PKN2: variants seen among roughly 807,000 people sequenced by gnomAD.
The protein encoded by PKN2 is serine/threonine-protein kinase N2.
Under a neutral mutation model 119.1 loss-of-function variants are expected in PKN2, and 38 were observed. The observed-to-expected ratio is 0.32, with a 90% CI of 0.25 to 0.42. PKN2 has a LOEUF of 0.42. PKN2 is among the 10% of genes least tolerant of loss of function. The probability of loss-of-function intolerance (pLI) is 1.00; values close to 1 mark genes in which losing one functional copy is unlikely to be tolerated. For missense variants in PKN2, 850 were observed against 1,165.1 expected (o/e 0.73, Z 3.94); for synonymous variants, 390 against 384.9 (o/e 1.01, Z -0.15).
chr1:88,709,480 T>C (rs1415035886), intron 1 of PKN2, among the ~76,000 whole-genome samples: 4 of 152,112 alleles, frequency 2.6e-5, no homozygotes, highest in Non-Finnish European at 4.4e-5. Context: ...GGATCACACG[T>C]TGAGAACTGC....
intron 2 of PKN2, among the ~76,000 whole-genome samples, chr1:88,754,716 G>GTCT (rs1461320723): frequency 4.6e-5 from 7 of 152,224 alleles, no homozygotes; most frequent in Non-Finnish European, 1.0e-4. Flanking sequence ...GGAGGAATTA[G>GTCT]TCTTGTCTGC....
At chr1:88,718,925 C>CT (rs1667561631) in intron 1 of PKN2, among the ~76,000 whole-genome samples, 2 of 152,040 alleles carry the variant, frequency 1.3e-5, no homozygotes, top group African/African-American at 4.8e-5. Context: ...AATAAATAAA[C>CT]ATTACCAGTT....
intron 6 of PKN2, among the ~76,000 whole-genome samples, chr1:88,775,774 T>C (rs192439053): frequency 6.6e-6 from 1 of 152,250 alleles, no homozygotes; most frequent in East Asian, 1.9e-4. Flanking sequence ...TTTTAAATCA[T>C]AAAGGAAACA....
At chr1:88,823,902 G>A (rs765211635) in intron 17 of PKN2, among the ~76,000 whole-genome samples, 16 of 150,882 alleles carry the variant, frequency 1.1e-4, no homozygotes, top group Non-Finnish European at 2.1e-4. Flanking sequence ...CCAGCTACTC[G>A]GGAGGCTGAG....
intron 1 of PKN2, among the ~76,000 whole-genome samples, chr1:88,697,974 A>G (rs941542770): frequency 2.0e-5 from 3 of 152,106 alleles, no homozygotes; most frequent in Admixed American, 1.3e-4. Flanking sequence ...TTTCTCTTCT[A>G]GGCTTAATGC....
At chr1:88,702,791 T>C (rs1305816520) in intron 1 of PKN2, among the ~76,000 whole-genome samples, 1 of 151,786 alleles carries the variant, frequency 6.6e-6, no homozygotes, top group African/African-American at 2.4e-5. Flanking sequence ...TTGAAAACTA[T>C]TTTTCTGTGT....
chr1:88,770,468 T>C lies in PKN2; in HGVS notation c.621T>C (p.Asn207=), dbSNP rs764955480. 22 of 1,476,342 alleles carry C rather than the reference T, an allele frequency of 1.5e-5. No individual in the cohort carries two copies. The highest frequency in any genetic ancestry group is 1.0e-4 in the Admixed American group (6 of 59,828). 91.5% of individuals were successfully genotyped at this position (1,476,342 alleles called of 1,614,324 possible). The change falls in exon 4 of 22, where the codon AAT becomes AAC. Residue 207 remains asparagine, a splice_region_variant and synonymous_variant. Coordinates refer to ENST00000370521, the MANE Select transcript of PKN2 (RefSeq NM_006256.4). ...AVQTNELAFD[N]AKPVISPLEL... is the part of the protein sequence containing the mutation. ...AGACTAATGAATTGGCTTTTGATAATGGTGATGGAATAAATTGTCCTCCTT... is the reference window on the plus strand; with the variant it reads ...AGACTAATGAATTGGCTTTTGATAACGGTGATGGAATAAATTGTCCTCCTT...
At position 88,760,283 on chromosome 1, in the gene PKN2, A is replaced by G; in HGVS notation, c.411A>G (p.Arg137=). 3 of 1,573,786 alleles carry G rather than the reference A, an allele frequency of 1.9e-6. No homozygotes were observed. The highest frequency in any genetic ancestry group is 1.7e-6 in the Non-Finnish European group (2 of 1,144,738). Residue 137 remains arginine (R), a synonymous_variant, in exon 3 of 22, where the codon AGA becomes AGG. Transcript: ENST00000370521. ...NDPRCSTSNN[R]LKALQKQLDI... ...CTCGTTGTTCTACTAGCAACAATAGATTGAAGGCCTTACAAAAACAATTGG... is the reference window on the plus strand; with the variant it reads ...CTCGTTGTTCTACTAGCAACAATAGGTTGAAGGCCTTACAAAAACAATTGG...
At chr1:88,692,211 A>G (rs1557542403) in intron 1 of PKN2, among the ~76,000 whole-genome samples, 1 of 152,164 alleles carries the variant, frequency 6.6e-6, no homozygotes, top group Non-Finnish European at 1.5e-5. Flanking sequence ...TTCATTGAGT[A>G]AAATATTCAT....
chr1:88,720,975 T>C (rs1667653410), intron 1 of PKN2, among the ~76,000 whole-genome samples: 1 of 152,238 alleles, frequency 6.6e-6, no homozygotes, highest in African/African-American at 2.4e-5. Flanking sequence ...TTTTTATGGC[T>C]TAGTATCATA....
intron 3 of PKN2, among the ~76,000 whole-genome samples, chr1:88,763,679 T>C (rs1321922921): frequency 2.0e-5 from 3 of 152,018 alleles, no homozygotes; most frequent in Non-Finnish European, 4.4e-5. Context: ...AGGTCATTTA[T>C]GCAAGCAGTA....
In PKN2 at chr1:88,723,485, G is replaced by A. The variant is rs573612955; in HGVS notation, c.49-17503G>A. Among the ~76,000 whole-genome samples the A allele has an allele frequency of 1.5e-4, 22 of 148,538 alleles. No individual in the cohort carries two copies. In the South Asian group the frequency reaches 2.4e-3, roughly 16 times the overall value. ...CACCCAGGCTGGAGTACAGTGGCGC[G>A]GTCTCGGCTCACTGCAACCTCACCA... On this transcript the variant is annotated intron_variant, in intron 1 of 21. Transcript: ENST00000370521.
chr1:88,701,339 G>A (rs1666762090), intron 1 of PKN2, among the ~76,000 whole-genome samples: 1 of 152,176 alleles, frequency 6.6e-6, no homozygotes, highest in South Asian at 2.1e-4. Context: ...AGCTACTCGG[G>A]ATTGTATTTT....
chr1:88,794,389 A>G (rs536422665), intron 8 of PKN2, among the ~76,000 whole-genome samples: 17 of 149,516 alleles, frequency 1.1e-4, no homozygotes, highest in African/African-American at 4.0e-4. Flanking sequence ...AAAAAAATCA[A>G]TATGCCAGCC....
intron 15 of PKN2, among the ~76,000 whole-genome samples, chr1:88,810,135 T>C (rs1671722411): frequency 6.6e-6 from 1 of 152,132 alleles, no homozygotes; most frequent in South Asian, 2.1e-4. Flanking sequence ...GCTTTTTTTT[T>C]TTGAGACGGA....
rs1666552698 is a variant in PKN2, at chr1:88,696,624, A to G, written c.48+11996A>G. Among the ~76,000 whole-genome samples the G allele has an allele frequency of 2.6e-5, 4 of 152,188 alleles. 1 individual carries two copies. In the South Asian group the frequency reaches 8.3e-4, roughly 31 times the overall value. Reference sequence around the variant, plus strand: ...TGAGAAAATCTGAGTGGCCTTAGTCAGTGGAACATGTGTCCCTGATCCAGC... The same window carrying G: ...TGAGAAAATCTGAGTGGCCTTAGTCGGTGGAACATGTGTCCCTGATCCAGC... On this transcript the variant is annotated intron_variant, in intron 1 of 21. Transcript: ENST00000370521.
intron 15 of PKN2, among the ~76,000 whole-genome samples, chr1:88,808,319 A>T (rs539332578): frequency 6.7e-4 from 102 of 151,122 alleles, no homozygotes; most frequent in Non-Finnish European, 1.2e-3. Flanking sequence ...TTATTTATTT[A>T]TTTTTTGAGA....
At chr1:88,743,520 A>G (rs1011542579) in intron 2 of PKN2, among the ~76,000 whole-genome samples, 2 of 152,216 alleles carry the variant, frequency 1.3e-5, no homozygotes, top group Admixed American at 6.5e-5. Context: ...AGGTATTACC[A>G]TAAAACCTTC....
intron 2 of PKN2, among the ~76,000 whole-genome samples, chr1:88,751,046 C>T (rs1228008479): frequency 6.6e-6 from 1 of 152,150 alleles, no homozygotes; most frequent in African/African-American, 2.4e-5. Context: ...AAATTTGTAG[C>T]ATGGTAGAGA....
Sources: allele counts gnomAD v4.1 joint callset (sites outside exome capture counted in the v4.1 genomes callset), GRCh38; gene constraint gnomAD v4.1.1; transcripts MANE v1.5; gene names NCBI Gene and HGNC (gene_info 2026-07-23, HGNC 2026-07-21).